Variants in SLC25A21 observed in about 807,000 individuals in gnomAD.
The protein encoded by SLC25A21 is mitochondrial 2-oxodicarboxylate carrier.
SLC25A21 carries 47 observed loss-of-function variants against 43.8 expected under a neutral mutation model. The observed-to-expected ratio is 1.07, with a 90% confidence interval of 0.85 to 1.37. The LOEUF (loss-of-function observed/expected upper bound fraction) is 1.37, where lower values mean the gene tolerates loss of function less well. Ranked by LOEUF, SLC25A21 falls within the 40% of genes most tolerant of loss-of-function variation. SLC25A21 has a pLI of 0.00. For missense variants in SLC25A21, 352 were observed against 350.2 expected (o/e 1.00, Z -0.04); for synonymous variants, 131 against 121.3 (o/e 1.08, Z -0.52).
At chr14:37,129,043 C>T (rs1228103965) in intron 1 of SLC25A21, among the ~76,000 whole-genome samples, 1 of 152,174 alleles carries the variant, frequency 6.6e-6, no homozygotes, top group African/African-American at 2.4e-5. Flanking sequence ...TTCAAGCACT[C>T]AACAGTCGCA....
intron 2 of SLC25A21, among the ~76,000 whole-genome samples, chr14:36,858,171 C>T (rs1889957999): frequency 6.6e-6 from 1 of 152,008 alleles, no homozygotes; most frequent in Admixed American, 6.6e-5. Flanking sequence ...TTTGCAAAAC[C>T]TCTTTTCTCT....
chr14:37,007,952 C>T (rs1960643853), intron 1 of SLC25A21, among the ~76,000 whole-genome samples: 1 of 43,166 alleles, frequency 2.3e-5, no homozygotes, highest in Admixed American at 2.3e-4. Context: ...AATGATCGCA[C>T]AATTTTTTTT....
chr14:37,150,600 A>G (rs1464822129), intron 1 of SLC25A21, among the ~76,000 whole-genome samples: 1 of 152,236 alleles, frequency 6.6e-6, no homozygotes, highest in Non-Finnish European at 1.5e-5. Context: ...ACACTTCTAG[A>G]TCTAACTATA....
intron 1 of SLC25A21, among the ~76,000 whole-genome samples, chr14:37,162,495 C>T (rs1331683349): frequency 6.6e-6 from 1 of 152,186 alleles, no homozygotes; most frequent in African/African-American, 2.4e-5. Flanking sequence ...TGAACAGACA[C>T]TTCTCAAAAG....
intron 9 of SLC25A21, among the ~76,000 whole-genome samples, chr14:36,683,094 AT>A (rs1342955414): frequency 1.3e-5 from 2 of 152,234 alleles, no homozygotes; most frequent in Admixed American, 1.3e-4. Flanking sequence ...GATAAAAAAA[AT>A]ATATGTGTGG....
chr14:36,934,469 TAAAAAA>T (rs5807923), intron 1 of SLC25A21, among the ~76,000 whole-genome samples: 1 of 140,476 alleles, frequency 7.1e-6, no homozygotes, highest in Non-Finnish European at 1.5e-5. Flanking sequence ...ATCTTGGGAG[TAAAAAA>T]AAAAAAAAAA....
At chr14:37,046,621 A>G (rs1349123836) in intron 1 of SLC25A21, among the ~76,000 whole-genome samples, 6 of 152,244 alleles carry the variant, frequency 3.9e-5, no homozygotes, top group Non-Finnish European at 8.8e-5. Flanking sequence ...TGTCAACAAG[A>G]TAACAGCTTG....
At chr14:36,696,776 G>T (rs1386755600) in intron 7 of SLC25A21, among the ~76,000 whole-genome samples, 1 of 151,942 alleles carries the variant, frequency 6.6e-6, no homozygotes, top group African/African-American at 2.4e-5. Flanking sequence ...ATTTTTTATT[G>T]CATCTATTTG....
chr14:36,823,845 C>T (rs1417015662), intron 2 of SLC25A21, among the ~76,000 whole-genome samples: 1 of 152,148 alleles, frequency 6.6e-6, no homozygotes, highest in Non-Finnish European at 1.5e-5. Context: ...CAATCTACTG[C>T]CTAGTGAGTA....
At chr14:36,820,093 A>C (rs533867192) in intron 2 of SLC25A21, among the ~76,000 whole-genome samples, 1 of 152,258 alleles carries the variant, frequency 6.6e-6, no homozygotes, top group African/African-American at 2.4e-5. Context: ...AAGCCATTCC[A>C]AGCCACCCCT....
chr14:36,869,918 C>T (rs1301439344), intron 2 of SLC25A21, among the ~76,000 whole-genome samples: 2 of 152,148 alleles, frequency 1.3e-5, no homozygotes, highest in Non-Finnish European at 2.9e-5. Context: ...AGCCCCACCA[C>T]ATTATCTGCT....
At chr14:36,929,147 GA>G (rs903994880) in intron 1 of SLC25A21, among the ~76,000 whole-genome samples, 1 of 151,652 alleles carries the variant, frequency 6.6e-6, no homozygotes, top group East Asian at 1.9e-4. Context: ...AAAATAAATT[GA>G]AAAAAAATCA....
At chr14:36,749,497 A>C (rs543075647) in intron 3 of SLC25A21, among the ~76,000 whole-genome samples, 2 of 152,274 alleles carry the variant, frequency 1.3e-5, no homozygotes, top group African/African-American at 4.8e-5. Context: ...ATTAAAATAA[A>C]AAATGGCTCA....
intron 1 of SLC25A21, among the ~76,000 whole-genome samples, chr14:37,043,941 T>TG (rs1310123761): frequency 1.4e-5 from 1 of 70,100 alleles, no homozygotes; most frequent in East Asian, 3.7e-4. Flanking sequence ...TGTTTTTTTG[T>TG]TTTTTTTTTT....
At chr14:36,994,654 G>C (rs1177010848) in intron 1 of SLC25A21, among the ~76,000 whole-genome samples, 1 of 152,038 alleles carries the variant, frequency 6.6e-6, no homozygotes, top group Non-Finnish European at 1.5e-5. Context: ...AAACACAGAG[G>C]CCAGCGATAT....
At chr14:36,765,862 T>C (rs1886393840) in intron 3 of SLC25A21, among the ~76,000 whole-genome samples, 1 of 152,118 alleles carries the variant, frequency 6.6e-6, no homozygotes, top group Non-Finnish European at 1.5e-5. Flanking sequence ...AGTTTCAAGG[T>C]ATATCCTGAG....
intron 3 of SLC25A21, among the ~76,000 whole-genome samples, chr14:36,756,917 T>A (rs1294917207): frequency 6.6e-6 from 1 of 152,158 alleles, no homozygotes; most frequent in African/African-American, 2.4e-5. Context: ...AATAATACTT[T>A]CTTGATTCCA....
At chr14:37,130,719 A>T (rs1248114444) in intron 1 of SLC25A21, among the ~76,000 whole-genome samples, 1 of 152,196 alleles carries the variant, frequency 6.6e-6, no homozygotes, top group African/African-American at 2.4e-5. Context: ...GTGGTTTCTC[A>T]TTAGGCCCCT....
intron 1 of SLC25A21, among the ~76,000 whole-genome samples, chr14:37,063,591 G>T (rs1961998117): frequency 6.6e-6 from 1 of 152,070 alleles, no homozygotes; most frequent in South Asian, 2.1e-4. Context: ...GCATGTTGTG[G>T]AGGGAGGGTA....
Sources: allele counts gnomAD v4.1 joint callset (sites outside exome capture counted in the v4.1 genomes callset), GRCh38; gene constraint gnomAD v4.1.1; transcripts MANE v1.5; gene names NCBI Gene and HGNC (gene_info 2026-07-23, HGNC 2026-07-21).